RNFT2: variants seen among roughly 807,000 people sequenced by gnomAD.
RNFT2 encodes E3 ubiquitin-protein ligase RNFT2.
A neutral mutation model predicts 53.0 loss-of-function variants in RNFT2; 36 were observed. The ratio of observed to expected loss-of-function variants is 0.68; its 90% confidence interval spans 0.52 to 0.90. The LOEUF is 0.90. Among genes scored for constraint, RNFT2 ranks in the 40% least tolerant of loss-of-function variants. The pLI is 0.00. For missense variants in RNFT2, 514 were observed against 585.6 expected (o/e 0.88, Z 1.26); for synonymous variants, 260 against 253.2 (o/e 1.03, Z -0.26).
chr12:116,832,148 A>AATAT lies in RNFT2; in HGVS notation c.883-1625_883-1622dup, dbSNP rs1555209703. 3.3e-3 allele frequency among the ~76,000 whole-genome samples: 183 copies of AATAT among 55,148 alleles called. 5 individuals carry two copies. The highest frequency in any genetic ancestry group is 4.3e-3 in the South Asian group (6 of 1,394). The allele number at this position is 55,148 out of a possible 152,430, so 36.2% of individuals were successfully genotyped here. A position where few individuals can be genotyped will look rare whatever the true frequency, so the allele number is the denominator to read the frequency against. Reference sequence around the variant, plus strand: ...CTTGTCTCAAAAAAAAAAAAAAAAAAATATATATATATATATATATATCTT... The same window carrying AATAT: ...CTTGTCTCAAAAAAAAAAAAAAAAAAATATATATATATATATATATATATATCTT... On this transcript the variant is annotated intron_variant, in intron 7 of 10. Coordinates refer to ENST00000257575, the MANE Select transcript of RNFT2 (RefSeq NM_001382266.1).
In RNFT2 at chr12:116,849,378, G is replaced by T; in HGVS notation, c.1265G>T (p.Arg422Leu). The change falls in exon 11 of 11, where the codon CGC becomes CTC. Residue 422 changes from arginine to leucine, a missense_variant. Arg to Leu is a moderately radical substitution (Grantham distance 102, BLOSUM62 -2). This residue lies in a region of RNFT2 where 273 missense variants were observed against 334.4 expected (regional missense o/e 0.82). Transcript: ENST00000257575. ...LDRERTCPLCRSVAVDTLRCW... is the reference protein window; with the variant it reads ...LDRERTCPLCLSVAVDTLRCW... ...CGTGAGCGCACCTGCCCGCTCTGCC[G>T]CTCGGTCGCCGTGGACACCCTGCGC... 6.4e-7 allele frequency: 1 copy of T among 1,556,268 alleles called. No homozygotes were observed.
At chr12:116,832,144 A>ATATATATATATATAT (rs1414365866) in intron 7 of RNFT2, among the ~76,000 whole-genome samples, 21 of 52,254 alleles carry the variant, frequency 4.0e-4, no homozygotes, top group South Asian at 1.3e-3. Flanking sequence ...AAAAAAAAAA[A>ATATATATATATATAT]AAAAATATAT....
intron 6 of RNFT2, among the ~76,000 whole-genome samples, chr12:116,767,381 G>A (rs1003780933): frequency 2.0e-5 from 3 of 151,706 alleles, no homozygotes; most frequent in African/African-American, 7.3e-5. Flanking sequence ...ACCACACCTG[G>A]CTAATTTTTA....
intron 7 of RNFT2, among the ~76,000 whole-genome samples, chr12:116,795,428 G>A (rs1285778293): frequency 6.6e-6 from 1 of 151,030 alleles, no homozygotes; most frequent in African/African-American, 2.4e-5. Flanking sequence ...AAAAAAGAAA[G>A]AAGAAAGAAA....
chr12:116,803,459 T>C (rs1260393771), intron 7 of RNFT2, among the ~76,000 whole-genome samples: 1 of 152,226 alleles, frequency 6.6e-6, no homozygotes, highest in Admixed American at 6.5e-5. Flanking sequence ...CCATGCTTGC[T>C]TCAGATCTTC....
At chr12:116,837,210 A>G (rs1877022393) in intron 10 of RNFT2, among the ~76,000 whole-genome samples, 1 of 152,140 alleles carries the variant, frequency 6.6e-6, no homozygotes, top group African/African-American at 2.4e-5. Flanking sequence ...GCAAATGTGT[A>G]TTGGGGTCAA....
chr12:116,837,661 A>G (rs1877050324), intron 10 of RNFT2, among the ~76,000 whole-genome samples: 1 of 152,240 alleles, frequency 6.6e-6, no homozygotes, highest in Admixed American at 6.5e-5. Context: ...CATGATGACT[A>G]AACACAGTCT....
At chr12:116,756,142 A>G (rs1384401773) in intron 5 of RNFT2, among the ~76,000 whole-genome samples, 1 of 151,990 alleles carries the variant, frequency 6.6e-6, no homozygotes, top group Non-Finnish European at 1.5e-5. Context: ...TTGAATTTGT[A>G]GATTGCTTTT....
At chr12:116,742,768 G>A (rs565715528) in intron 3 of RNFT2, among the ~76,000 whole-genome samples, 10 of 152,228 alleles carry the variant, frequency 6.6e-5, no homozygotes, top group African/African-American at 2.4e-4. Flanking sequence ...GTGACATGAG[G>A]AGATCCTGTC....
Position 116,833,911 on chromosome 12 carries a change from G to T in RNFT2, c.1002G>T (p.Gly334=), listed in dbSNP as rs775295041. Residue 334 remains glycine, a synonymous_variant, in exon 8 of 11, where the codon GGG becomes GGT. Coordinates refer to ENST00000257575, the MANE Select transcript of RNFT2 (RefSeq NM_001382266.1). Reference sequence around the variant, plus strand: ...CCTCCAACAGCTACTTCCTGGGCGGGGTCCTGATCGTTCTCTACAGCCTCT... The same window carrying T: ...CCTCCAACAGCTACTTCCTGGGCGGTGTCCTGATCGTTCTCTACAGCCTCT... ...DDSSNSYFLG[G]VLIVLYSLCK... 1 of 1,612,198 alleles carries T rather than the reference G, an allele frequency of 6.2e-7. No individual in the cohort carries two copies. The highest frequency in any genetic ancestry group is 1.3e-5 in the African/African-American group (1 of 74,800).
At chr12:116,848,281 A>G (rs1363902957) in intron 10 of RNFT2, among the ~76,000 whole-genome samples, 1 of 152,138 alleles carries the variant, frequency 6.6e-6, no homozygotes, top group East Asian at 1.9e-4. Flanking sequence ...TGTCTTTGCT[A>G]TTGTGAATAG....
chr12:116,744,264 A>C (rs909628386), intron 3 of RNFT2, among the ~76,000 whole-genome samples: 8 of 148,342 alleles, frequency 5.4e-5, no homozygotes, highest in Non-Finnish European at 8.9e-5. Context: ...TGGATGAAGG[A>C]GTGAGTGTGA....
At position 116,841,948 on chromosome 12, in the gene RNFT2, AAT is replaced by A. The variant is rs1337261582; in HGVS notation, c.1200+5676_1200+5677del. ...ATATATATATATAAATATATATATA[AAT>A]ATATATATAGAGAGAGAGAGAGAGA... is the stretch of plus-strand genomic sequence containing the variant. On this transcript the variant is annotated intron_variant, in intron 10 of 10. Transcript: ENST00000257575. 7.1e-4 allele frequency among the ~76,000 whole-genome samples: 16 copies of A among 22,608 alleles called. 1 individual carries two copies. Among genetic ancestry groups the A allele is most frequent in the Middle Eastern group, 0.017 (1 of 58 alleles). The allele number at this position is 22,608 out of a possible 152,430, so 14.8% of individuals were successfully genotyped here.
intron 6 of RNFT2, among the ~76,000 whole-genome samples, chr12:116,768,897 A>G (rs942666036): frequency 6.6e-6 from 1 of 151,682 alleles, no homozygotes; most frequent in Non-Finnish European, 1.5e-5. Flanking sequence ...CGCCCGGCTA[A>G]TTTTTGTATT....
At chr12:116,760,126 G>A (rs796099588) in intron 5 of RNFT2, among the ~76,000 whole-genome samples, 5 of 152,238 alleles carry the variant, frequency 3.3e-5, no homozygotes, top group African/African-American at 9.6e-5. Flanking sequence ...TCAGGGAAGT[G>A]GGGGAAAGCT....
At chr12:116,812,035 G>C (rs1485913131) in intron 7 of RNFT2, among the ~76,000 whole-genome samples, 1 of 152,086 alleles carries the variant, frequency 6.6e-6, no homozygotes, top group Non-Finnish European at 1.5e-5. Context: ...GATGTTACCT[G>C]GCTCCAGGAG....
chr12:116,753,168 T>TTTTTTTTTTTTTTA (rs1872335950), intron 4 of RNFT2, among the ~76,000 whole-genome samples: 1 of 147,378 alleles, frequency 6.8e-6, no homozygotes, highest in African/African-American at 2.5e-5. Flanking sequence ...TTTTTTTTTT[T>TTTTTTTTTTTTTTA]GAGACAGAGT....
chr12:116,780,951 A>G (rs1463808585), intron 7 of RNFT2, among the ~76,000 whole-genome samples: 1 of 152,112 alleles, frequency 6.6e-6, no homozygotes. Context: ...GGTGACAAAA[A>G]CCTAGTTTCC....
At chr12:116,788,053 G>A (rs950183102) in intron 7 of RNFT2, among the ~76,000 whole-genome samples, 3 of 152,178 alleles carry the variant, frequency 2.0e-5, no homozygotes, top group South Asian at 2.1e-4. Context: ...TCAGCCTCCC[G>A]AGAAGCTGGG....
Sources: gnomAD v4.1 joint callset for allele counts (sites outside exome capture counted in the v4.1 genomes callset) on GRCh38, gnomAD v4.1.1 for gene constraint, gnomAD v4.1.1 regional missense constraint, MANE v1.5 for transcripts, NCBI Gene and HGNC (gene_info 2026-07-23, HGNC 2026-07-21) for gene names.